The following MAP7 variants were observed in gnomAD, a reference collection of about 807,000 sequenced individuals.
MAP7 encodes ensconsin.
MAP7 carries 52 observed loss-of-function variants against 94.8 expected under a neutral mutation model. The observed-to-expected ratio is 0.55, with a 90% CI of 0.44 to 0.69. The LOEUF is 0.69. MAP7 is among the 30% of genes least tolerant of loss of function. The pLI, the probability that MAP7 is intolerant of heterozygous loss-of-function variation, is 0.00. For missense variants in MAP7, 940 were observed against 964.6 expected (o/e 0.97, Z 0.34); for synonymous variants, 350 against 357.0 (o/e 0.98, Z 0.22).
chr6:136,378,995 G>A (rs1776992159), intron 6 of MAP7, among the ~76,000 whole-genome samples: 1 of 152,150 alleles, frequency 6.6e-6, no homozygotes, highest in Non-Finnish European at 1.5e-5. Flanking sequence ...AAGTAGCTGG[G>A]TTTACAGGTG....
chr6:136,522,110 C>A (rs528213264), intron 1 of MAP7, among the ~76,000 whole-genome samples: 2 of 152,200 alleles, frequency 1.3e-5, no homozygotes, highest in African/African-American at 4.8e-5. Flanking sequence ...AATTCACCGT[C>A]TAAGGCAGGT....
intron 1 of MAP7, among the ~76,000 whole-genome samples, chr6:136,463,168 G>T (rs1291261112): frequency 6.6e-6 from 1 of 151,926 alleles, no homozygotes; most frequent in South Asian, 2.1e-4. Context: ...CATTTAAAAG[G>T]CATACCATAT....
At position 136,365,901 on chromosome 6, in the gene MAP7, G is replaced by C; in HGVS notation, c.1107C>G (p.Ile369Met). The part of the protein sequence containing the change: ...AQVRPPSPGN[I>M]RPVKREVKVE... ...CTTTGACTTCCCTCTTGACAGGGCGGATGTTGCCGGGGGATGGGGGCCGGA... is the reference window on the plus strand; with the variant it reads ...CTTTGACTTCCCTCTTGACAGGGCGCATGTTGCCGGGGGATGGGGGCCGGA... Residue 369 changes from isoleucine to methionine, a missense_variant, in exon 10 of 18, where the codon ATC becomes ATG. Transcript: ENST00000354570. The C allele has an allele frequency of 6.2e-7, 1 of 1,614,154 alleles. No individual in the cohort carries two copies. Among genetic ancestry groups the C allele is most frequent in the Non-Finnish European group, 8.5e-7 (1 of 1,180,032 alleles).
intron 3 of MAP7, among the ~76,000 whole-genome samples, chr6:136,403,560 C>T (rs1784759643): frequency 3.9e-5 from 6 of 152,354 alleles, no homozygotes; most frequent in South Asian, 2.1e-4. Flanking sequence ...CTTCTCTGTA[C>T]TAGCAAGAAA....
intron 1 of MAP7, among the ~76,000 whole-genome samples, chr6:136,534,860 T>G (rs1828753595): frequency 6.6e-6 from 1 of 152,020 alleles, no homozygotes; most frequent in Non-Finnish European, 1.5e-5. Flanking sequence ...GATATATAGA[T>G]TACAAAAAAT....
In MAP7 at chr6:136,472,341, T is replaced by C. The variant is rs897183141; in HGVS notation, c.68-50542A>G. Among the ~76,000 whole-genome samples the C allele has an allele frequency of 4.7e-4, 72 of 152,164 alleles. 1 individual carries two copies. The highest frequency in any genetic ancestry group is 1.3e-4 in the Admixed American group (2 of 15,276). On this transcript the variant is annotated intron_variant, in intron 1 of 17. Transcript: ENST00000354570. The stretch of plus-strand genomic sequence containing the variant: ...AGGTTAGAAATTAAAATAAGGAACT[T>C]GACCTACTTTCAAAAGGGACATTTG...
At chr6:136,452,616 G>A (rs1801513573) in intron 1 of MAP7, among the ~76,000 whole-genome samples, 2 of 151,674 alleles carry the variant, frequency 1.3e-5, no homozygotes, top group Non-Finnish European at 2.9e-5. Flanking sequence ...GCAGTGGCAC[G>A]ATCTCGGCTC....
chr6:136,411,280 C>T (rs1787358669), intron 3 of MAP7, among the ~76,000 whole-genome samples: 1 of 152,094 alleles, frequency 6.6e-6, no homozygotes, highest in South Asian at 2.1e-4. Context: ...AGTTAAGTGC[C>T]CTGACAGTGT....
At chr6:136,538,709 T>G (rs1029814399) in intron 1 of MAP7, among the ~76,000 whole-genome samples, 6 of 147,348 alleles carry the variant, frequency 4.1e-5, no homozygotes, top group Non-Finnish European at 8.9e-5. Context: ...GGAGGATCGT[T>G]GGAGCCCAGA....
chr6:136,502,149 C>T (rs1415402039), intron 1 of MAP7, among the ~76,000 whole-genome samples: 1 of 152,198 alleles, frequency 6.6e-6, no homozygotes, highest in Non-Finnish European at 1.5e-5. Flanking sequence ...AAGGAATCTA[C>T]CAAAAGCCAT....
intron 1 of MAP7, among the ~76,000 whole-genome samples, chr6:136,496,928 T>G (rs1247715835): frequency 6.6e-6 from 1 of 151,606 alleles, no homozygotes; most frequent in Non-Finnish European, 1.5e-5. Context: ...CACTCCAACC[T>G]GGGCAACAGG....
chr6:136,350,473 T>TG (rs1788850942), intron 16 of MAP7, among the ~76,000 whole-genome samples: 1 of 152,250 alleles, frequency 6.6e-6, no homozygotes, highest in African/African-American at 2.4e-5. Flanking sequence ...GATGTAAAAC[T>TG]GTTTAAAAAC....
chr6:136,548,107 AC>A (rs752693571), intron 1 of MAP7, among the ~76,000 whole-genome samples: 4 of 12,560 alleles, frequency 3.2e-4, no homozygotes, highest in African/African-American at 8.3e-4. Context: ...ACCCCCCCCC[AC>A]CCCCCCAACA....
At chr6:136,405,235 C>T (rs1173698453) in intron 3 of MAP7, among the ~76,000 whole-genome samples, 1 of 152,146 alleles carries the variant, frequency 6.6e-6, no homozygotes. Flanking sequence ...CCTTCCCTTC[C>T]AGAGCTTATG....
chr6:136,351,303 T>A (rs958888340), intron 16 of MAP7, among the ~76,000 whole-genome samples: 7 of 151,708 alleles, frequency 4.6e-5, no homozygotes, highest in Admixed American at 6.6e-5. Context: ...GAAGATGGGA[T>A]ACCAGGAACA....
intron 11 of MAP7, 135 bp downstream of exon 11, chr6:136,362,315 A>G: frequency 1.7e-6 from 2 of 1,181,498 alleles, no homozygotes; most frequent in Non-Finnish European, 2.4e-6. Flanking sequence ...TCATAGGAAA[A>G]TTAGGTAAGA....
At chr6:136,385,463 T>G (rs927279423) in intron 5 of MAP7, among the ~76,000 whole-genome samples, 6 of 152,202 alleles carry the variant, frequency 3.9e-5, no homozygotes, top group Admixed American at 3.9e-4. Flanking sequence ...TTTCTGATAT[T>G]GCTTTATATG....
intron 1 of MAP7, among the ~76,000 whole-genome samples, chr6:136,510,416 T>G (rs1822911050): frequency 6.6e-6 from 1 of 152,144 alleles, no homozygotes; most frequent in African/African-American, 2.4e-5. Context: ...CAAGTGCATC[T>G]TTGAAATGGT....
At chr6:136,385,374 A>G (rs73559069) in intron 5 of MAP7, among the ~76,000 whole-genome samples, 2,528 of 152,368 alleles carry the variant, frequency 0.017, 40 homozygotes, top group East Asian at 0.039. Flanking sequence ...CAAAAGGAAC[A>G]TCCTAGTGAT....
Sources: allele counts gnomAD v4.1 joint callset (sites outside exome capture counted in the v4.1 genomes callset), GRCh38; gene constraint gnomAD v4.1.1; transcripts MANE v1.5; gene names NCBI Gene and HGNC (gene_info 2026-07-23, HGNC 2026-07-21).